FHIT: variants seen among roughly 807,000 people sequenced by gnomAD.
FHIT encodes the protein bis(5'-adenosyl)-triphosphatase.
In FHIT, 19 loss-of-function variants were observed where a neutral mutation model predicts 17.9. The ratio of observed to expected loss-of-function variants is 1.06; its 90% CI spans 0.74 to 1.56. The LOEUF is 1.56. Among genes scored for constraint, FHIT ranks in the 40% most tolerant of loss-of-function variants. The pLI is 0.00. For missense variants in FHIT, 248 were observed against 189.2 expected, an observed-to-expected ratio of 1.31 and a Z score of -1.82; for synonymous variants, 81 against 69.7, an observed-to-expected ratio of 1.16 and a Z score of -0.81.
chr3:60,926,312 C>G (rs1707608978), intron 3 of FHIT, among the ~76,000 whole-genome samples: 2 of 152,142 alleles, frequency 1.3e-5, no homozygotes, highest in African/African-American at 2.4e-5. Context: ...GGAAGTAAAG[C>G]ACTCCTCAGC....
At chr3:60,235,234 G>GTTTTTTTTTTTTT (rs11441829) in intron 5 of FHIT, among the ~76,000 whole-genome samples, 1 of 143,086 alleles carries the variant, frequency 7.0e-6, no homozygotes, top group Non-Finnish European at 1.5e-5. Flanking sequence ...TTTGTTTGTT[G>GTTTTTTTTTTTTT]TTTTTTTTTT....
intron 2 of FHIT, among the ~76,000 whole-genome samples, chr3:61,074,122 C>G (rs1229096360): frequency 6.6e-6 from 1 of 151,952 alleles, no homozygotes; most frequent in Non-Finnish European, 1.5e-5. Flanking sequence ...GCAGCACATG[C>G]CAAATGGAAA....
At chr3:60,492,034 A>G (rs887768305) in intron 5 of FHIT, among the ~76,000 whole-genome samples, 7 of 152,210 alleles carry the variant, frequency 4.6e-5, no homozygotes, top group African/African-American at 1.4e-4. Context: ...TCCAAAAACT[A>G]TCCTGGTGGA....
At chr3:60,919,750 C>T (rs1448335643) in intron 3 of FHIT, among the ~76,000 whole-genome samples, 1 of 152,140 alleles carries the variant, frequency 6.6e-6, no homozygotes, top group Non-Finnish European at 1.5e-5. Context: ...AATAAGAGTG[C>T]ATAGGCCAGG....
intron 8 of FHIT, among the ~76,000 whole-genome samples, chr3:59,826,596 C>CA (rs1700987302): frequency 2.0e-5 from 3 of 152,212 alleles, no homozygotes; most frequent in Admixed American, 2.0e-4. Context: ...ATTCAATACT[C>CA]AAGAGTGTTT....
At chr3:59,857,985 T>C (rs774426024) in intron 8 of FHIT, among the ~76,000 whole-genome samples, 16 of 152,236 alleles carry the variant, frequency 1.1e-4, no homozygotes, top group Non-Finnish European at 1.5e-4. Flanking sequence ...GTTCCCCTAA[T>C]TGGAGTCTCA....
intron 8 of FHIT, among the ~76,000 whole-genome samples, chr3:59,823,508 G>C (rs989480481): frequency 6.6e-6 from 1 of 152,062 alleles, no homozygotes; most frequent in African/African-American, 2.4e-5. Context: ...CCATGATCAA[G>C]TGGGTTTCAT....
rs534375366 is a variant in FHIT, at chr3:59,928,685, C to T, written c.280-6271G>A. Among the ~76,000 whole-genome samples the T allele has an allele frequency of 6.6e-5, 10 of 152,304 alleles. No individual in the cohort carries two copies. The South Asian group carries it at 1.9e-3, about 28-fold the overall frequency. On this transcript the variant is annotated intron_variant, in intron 7 of 9. Transcript: ENST00000492590. ...CAAAGACAATACCACTTAACACATA[C>T]TAGGGCAACTGTAATAAAAAGGACA...
At chr3:60,674,377 G>A (rs1268219973) in intron 4 of FHIT, among the ~76,000 whole-genome samples, 6 of 151,976 alleles carry the variant, frequency 3.9e-5, no homozygotes, top group African/African-American at 1.5e-4. Context: ...TAATTCTAAT[G>A]TCTGAGTTAT....
At chr3:59,850,091 T>A (rs1190748242) in intron 8 of FHIT, among the ~76,000 whole-genome samples, 1 of 152,198 alleles carries the variant, frequency 6.6e-6, no homozygotes, top group African/African-American at 2.4e-5. Context: ...TGCATGCTGG[T>A]AGTTAATTTA....
intron 2 of FHIT, among the ~76,000 whole-genome samples, chr3:61,131,679 G>A (rs150252668): frequency 2.0e-5 from 3 of 152,318 alleles, no homozygotes; most frequent in East Asian, 3.9e-4. Context: ...CAGAACATGA[G>A]CCCAGTCTGC....
intron 5 of FHIT, among the ~76,000 whole-genome samples, chr3:60,118,478 A>T (rs1303255365): frequency 6.6e-6 from 1 of 151,822 alleles, no homozygotes; most frequent in Non-Finnish European, 1.5e-5. Flanking sequence ...TCTTATTTTA[A>T]TCTGAATGAT....
chr3:60,156,274 C>A (rs185138807), intron 5 of FHIT, among the ~76,000 whole-genome samples: 1 of 150,384 alleles, frequency 6.6e-6, no homozygotes, highest in Non-Finnish European at 1.5e-5. Context: ...TGCTTGAACC[C>A]GGGAGGCAGA....
intron 2 of FHIT, among the ~76,000 whole-genome samples, chr3:61,147,239 T>C (rs1388910997): frequency 6.6e-6 from 1 of 152,002 alleles, no homozygotes; most frequent in African/African-American, 2.4e-5. Flanking sequence ...AACGTTCTGT[T>C]GAGGCGACAA....
chr3:60,707,369 A>G (rs1415514682), intron 4 of FHIT, among the ~76,000 whole-genome samples: 1 of 152,350 alleles, frequency 6.6e-6, no homozygotes, highest in East Asian at 1.9e-4. Context: ...TAAGTCTATT[A>G]AATGTTTATT....
intron 5 of FHIT, among the ~76,000 whole-genome samples, chr3:60,534,202 T>A (rs1426412062): frequency 7.1e-6 from 1 of 140,102 alleles, no homozygotes; most frequent in Non-Finnish European, 1.6e-5. Flanking sequence ...CCGAGGCGGG[T>A]GGATCATGAG....
At chr3:60,365,077 TTC>T (rs1700053343) in intron 5 of FHIT, among the ~76,000 whole-genome samples, 1 of 150,238 alleles carries the variant, frequency 6.7e-6, no homozygotes, top group Non-Finnish European at 1.5e-5. Context: ...ATTGGTTCTG[TTC>T]TCTCTCATAT....
At chr3:60,204,771 G>A (rs1466925346) in intron 5 of FHIT, among the ~76,000 whole-genome samples, 1 of 152,084 alleles carries the variant, frequency 6.6e-6, no homozygotes, top group Non-Finnish European at 1.5e-5. Flanking sequence ...TGGATATTCT[G>A]ATACATGGTA....
intron 5 of FHIT, among the ~76,000 whole-genome samples, chr3:60,183,520 C>T (rs190736570): frequency 6.6e-6 from 1 of 152,268 alleles, no homozygotes; most frequent in Non-Finnish European, 1.5e-5. Context: ...CTGACAGTGT[C>T]CCTCAATCAG....
Sources: allele counts gnomAD v4.1 joint callset (sites outside exome capture counted in the v4.1 genomes callset), GRCh38; gene constraint gnomAD v4.1.1; transcripts MANE v1.5; gene names NCBI Gene and HGNC (gene_info 2026-07-23, HGNC 2026-07-21).